The following TSPAN7 variants were observed in gnomAD, a reference collection of about 807,000 sequenced individuals.
TSPAN7 encodes tetraspanin-7.
TSPAN7 carries 1 observed loss-of-function variant against 17.6 expected under a neutral mutation model. That is an observed-to-expected ratio of 0.06 (90% CI 0.02 to 0.27). TSPAN7 has a LOEUF of 0.27. Among genes scored for constraint, TSPAN7 ranks in the 10% least tolerant of loss-of-function variants. TSPAN7 has a pLI of 1.00. For synonymous variants in TSPAN7, 78 were observed against 79.0 expected, an observed-to-expected ratio of 0.99 and a Z score of 0.07; for missense variants, 112 against 201.7, an observed-to-expected ratio of 0.56 and a Z score of 2.69.
intron 1 of TSPAN7, among the ~76,000 whole-genome samples, chrX:38,640,193 C>T (rs1290285723): frequency 9.0e-6 from 1 of 111,182 alleles, no homozygotes; most frequent in Non-Finnish European, 1.9e-5. Context: ...TTTAGTTTTT[C>T]AGGATTGAAT....
intron 2 of TSPAN7, among the ~76,000 whole-genome samples, chrX:38,670,760 C>T (rs1230340002): frequency 8.9e-6 from 1 of 112,453 alleles, no homozygotes; most frequent in Non-Finnish European, 1.9e-5. Flanking sequence ...TCATCCTGGC[C>T]GTGTTCACAA....
chrX:38,605,383 A>G (rs1161747880), intron 1 of TSPAN7, among the ~76,000 whole-genome samples: 1 of 110,788 alleles, frequency 9.0e-6, no homozygotes, highest in African/African-American at 3.3e-5. Context: ...AAGGAGAACT[A>G]CAAACCACTG....
chrX:38,621,537 A>G (rs964468667), intron 1 of TSPAN7, among the ~76,000 whole-genome samples: 1 of 111,944 alleles, frequency 8.9e-6, no homozygotes, highest in Non-Finnish European at 1.9e-5. Context: ...AGTAAAATGT[A>G]AGGCTGTAAG....
intron 1 of TSPAN7, among the ~76,000 whole-genome samples, chrX:38,634,867 C>A (rs772140001): frequency 3.6e-5 from 4 of 110,753 alleles, no homozygotes; most frequent in Non-Finnish European, 7.5e-5. Context: ...GATGGTATTT[C>A]TGAACTACTG....
chrX:38,571,100 A>G (rs909333403), intron 1 of TSPAN7, among the ~76,000 whole-genome samples: 1 of 111,737 alleles, frequency 8.9e-6, no homozygotes, highest in South Asian at 3.7e-4. Flanking sequence ...TAAACATCAC[A>G]TTTTGACTCT....
intron 5 of TSPAN7, among the ~76,000 whole-genome samples, chrX:38,676,506 A>G (rs917395159): frequency 1.8e-5 from 2 of 112,344 alleles, no homozygotes; most frequent in Non-Finnish European, 3.8e-5. Flanking sequence ...TTTTACAGAG[A>G]ATACGATGAA....
intron 2 of TSPAN7, among the ~76,000 whole-genome samples, chrX:38,670,612 A>G (rs923614920): frequency 3.6e-5 from 4 of 112,571 alleles, no homozygotes; most frequent in Non-Finnish European, 5.6e-5. Flanking sequence ...ACCAATCTGA[A>G]GAGGAACATC....
intron 1 of TSPAN7, among the ~76,000 whole-genome samples, chrX:38,577,693 T>G (rs2069203004): frequency 9.8e-6 from 1 of 101,920 alleles, no homozygotes; most frequent in Non-Finnish European, 2.0e-5. Context: ...GGGATAGCAT[T>G]AGGAGATATA....
intron 1 of TSPAN7, among the ~76,000 whole-genome samples, chrX:38,604,869 C>A (rs1422151340): frequency 9.0e-6 from 1 of 111,071 alleles, no homozygotes; most frequent in Non-Finnish European, 1.9e-5. Flanking sequence ...ACCCTTCATG[C>A]TAAAAATTCT....
chrX:38,565,315 C>T (rs768170894), intron 1 of TSPAN7, among the ~76,000 whole-genome samples: 9 of 111,918 alleles, frequency 8.0e-5, no homozygotes, highest in African/African-American at 2.3e-4. Context: ...CTGCAACCTC[C>T]GCCTCCTGGA....
At chrX:38,567,524 G>A (rs755875231) in intron 1 of TSPAN7, among the ~76,000 whole-genome samples, 2 of 112,459 alleles carry the variant, frequency 1.8e-5, no homozygotes, top group East Asian at 5.6e-4. Flanking sequence ...AATTCAAAAT[G>A]AGATTTGAGT....
At chrX:38,681,182 G>C (rs747411300) in intron 5 of TSPAN7, 22 bp from the exon 6 acceptor site, 4 of 1,188,336 alleles carry the variant, frequency 3.4e-6, no homozygotes, top group Non-Finnish European at 4.6e-6. Context: ...ATGTCTCCAA[G>C]ACAGTGTCTT....
chrX:38,640,952 C>A (rs1163479155), intron 1 of TSPAN7, among the ~76,000 whole-genome samples: 2 of 112,119 alleles, frequency 1.8e-5, no homozygotes, highest in African/African-American at 6.5e-5. Context: ...CATTTAATAC[C>A]CACTATACCT....
At chrX:38,660,452 A>G (rs969197592) in intron 1 of TSPAN7, among the ~76,000 whole-genome samples, 2 of 111,849 alleles carry the variant, frequency 1.8e-5, no homozygotes, top group African/African-American at 3.3e-5. Context: ...ACACACTCAC[A>G]TAAGAATCAG....
chrX:38,570,279 C>T (rs775996469), intron 1 of TSPAN7, among the ~76,000 whole-genome samples: 8 of 111,831 alleles, frequency 7.2e-5, no homozygotes, highest in African/African-American at 2.6e-4. Flanking sequence ...TATTATGGGA[C>T]TTGTACATTA....
At chrX:38,647,029 G>C (rs2069648948) in intron 1 of TSPAN7, among the ~76,000 whole-genome samples, 1 of 111,634 alleles carries the variant, frequency 9.0e-6, no homozygotes, top group South Asian at 3.7e-4. Context: ...GGTACACTAG[G>C]GGAGAAAATA....
chrX:38,628,137 AT>A (rs2069531227), intron 1 of TSPAN7, among the ~76,000 whole-genome samples: 1 of 112,619 alleles, frequency 8.9e-6, no homozygotes, highest in South Asian at 3.7e-4. Context: ...GTCCATTGGC[AT>A]TAATGCCAAG....
intron 1 of TSPAN7, among the ~76,000 whole-genome samples, chrX:38,594,538 A>G (rs1224676359): frequency 9.0e-6 from 1 of 110,655 alleles, no homozygotes; most frequent in East Asian, 2.8e-4. Context: ...CCCTTTCTCT[A>G]TTGCCTTAGA....
chrX:38,637,021 A>G (rs2069584937), intron 1 of TSPAN7, among the ~76,000 whole-genome samples: 1 of 112,281 alleles, frequency 8.9e-6, no homozygotes, highest in African/African-American at 3.2e-5. Context: ...TCACGGGACA[A>G]ATAGCCAAGA....
Sources: allele counts gnomAD v4.1 joint callset (sites outside exome capture counted in the v4.1 genomes callset), GRCh38; gene constraint gnomAD v4.1.1; transcripts MANE v1.5; gene names NCBI Gene and HGNC (gene_info 2026-07-23, HGNC 2026-07-21).